Variants in TOM1L2 observed in about 807,000 individuals in gnomAD.
TOM1L2 encodes TOM1-like protein 2.
TOM1L2 carries 31 observed loss-of-function variants against 67.9 expected under a neutral mutation model. The observed-to-expected ratio is 0.46, with a 90% CI of 0.34 to 0.62. The LOEUF is 0.62. Among genes scored for constraint, TOM1L2 ranks in the 20% least tolerant of loss-of-function variants. The pLI is 0.01. For missense variants in TOM1L2, 606 were observed against 663.5 expected, an observed-to-expected ratio of 0.91 and a Z score of 0.95; for synonymous variants, 256 against 254.0, an observed-to-expected ratio of 1.01 and a Z score of -0.07.
chr17:17,941,823 T>C (rs2040745859), intron 1 of TOM1L2, among the ~76,000 whole-genome samples: 1 of 152,212 alleles, frequency 6.6e-6, no homozygotes, highest in Non-Finnish European at 1.5e-5. Context: ...TCATTTTGCC[T>C]TAAAGAGTTT....
intron 1 of TOM1L2, among the ~76,000 whole-genome samples, chr17:17,969,246 A>G (rs755028411): frequency 5.3e-5 from 8 of 152,032 alleles, no homozygotes; most frequent in Non-Finnish European, 1.0e-4. Flanking sequence ...TAGTAGAGAC[A>G]GGGTTTCACC....
chr17:17,941,583 C>A (rs1312844014), intron 1 of TOM1L2, among the ~76,000 whole-genome samples: 11 of 152,140 alleles, frequency 7.2e-5, no homozygotes, highest in African/African-American at 2.7e-4. Context: ...CAGTCTAAGT[C>A]TTCCCTGTGG....
chr17:17,892,278 G>A lies in TOM1L2; in HGVS notation c.366+1383C>T, dbSNP rs145212794. Among the ~76,000 whole-genome samples, 17 of 152,202 alleles carry A rather than the reference G, an allele frequency of 1.1e-4. No individual in the cohort carries two copies. The East Asian group carries it at 2.7e-3, about 24-fold the overall frequency. ...CCCATCTGAGAGCCCGGCCTGCCCCGGCACTCCACTTCCTGCATTCTCCGC... is the reference window on the plus strand; with the variant it reads ...CCCATCTGAGAGCCCGGCCTGCCCCAGCACTCCACTTCCTGCATTCTCCGC... On this transcript the variant is annotated intron_variant, in intron 4 of 14. Coordinates refer to ENST00000379504, the MANE Select transcript of TOM1L2 (RefSeq NM_001082968.2).
intron 1 of TOM1L2, among the ~76,000 whole-genome samples, chr17:17,920,217 CTT>C: frequency 7.4e-6 from 1 of 135,258 alleles, no homozygotes; most frequent in African/African-American, 2.7e-5. Flanking sequence ...TTCTCTCGTT[CTT>C]TTTTTTTTTA....
chr17:17,969,553 T>C (rs1168415200), intron 1 of TOM1L2, among the ~76,000 whole-genome samples: 4 of 152,196 alleles, frequency 2.6e-5, no homozygotes, highest in African/African-American at 9.7e-5. Context: ...ATTAATCATT[T>C]ACCTGAACTG....
At chr17:17,951,175 T>A (rs917884690) in intron 1 of TOM1L2, among the ~76,000 whole-genome samples, 1 of 152,042 alleles carries the variant, frequency 6.6e-6, no homozygotes, top group Non-Finnish European at 1.5e-5. Flanking sequence ...TAATACCCAC[T>A]CCCTTGCGGG....
intron 2 of TOM1L2, among the ~76,000 whole-genome samples, chr17:17,900,521 C>CAAAAA (rs546614872): frequency 1.7e-5 from 1 of 58,842 alleles, no homozygotes; most frequent in African/African-American, 4.8e-5. Context: ...GACTCCATCT[C>CAAAAA]AAAAAAAAAA....
chr17:17,940,285 A>C (rs972402711), intron 1 of TOM1L2, among the ~76,000 whole-genome samples: 1 of 151,888 alleles, frequency 6.6e-6, no homozygotes, highest in Non-Finnish European at 1.5e-5. Flanking sequence ...TCAAGCACTG[A>C]TAAGAGTGGC....
chr17:17,931,722 T>C (rs1183061901), intron 1 of TOM1L2, among the ~76,000 whole-genome samples: 4 of 152,240 alleles, frequency 2.6e-5, no homozygotes, highest in East Asian at 1.9e-4. Flanking sequence ...AGTAGCTTCA[T>C]GCCAGATCCA....
At chr17:17,934,029 GAA>G (rs1190840605) in intron 1 of TOM1L2, among the ~76,000 whole-genome samples, 5 of 151,210 alleles carry the variant, frequency 3.3e-5, no homozygotes, top group African/African-American at 4.9e-5. Flanking sequence ...ACTAGGTTAG[GAA>G]AAAAAAATCT....
chr17:17,949,809 G>A (rs1350806737), intron 1 of TOM1L2, among the ~76,000 whole-genome samples: 2 of 152,092 alleles, frequency 1.3e-5, no homozygotes, highest in Non-Finnish European at 2.9e-5. Context: ...AGGTGGGCCA[G>A]GGCAATGTTA....
chr17:17,971,370 C>G (rs2042072841), intron 1 of TOM1L2, among the ~76,000 whole-genome samples: 1 of 152,152 alleles, frequency 6.6e-6, no homozygotes, highest in East Asian at 1.9e-4. Context: ...TTCCATGATT[C>G]CCAGTCCAGG....
At chr17:17,875,599 G>C (rs2037384843) in intron 7 of TOM1L2, among the ~76,000 whole-genome samples, 1 of 152,256 alleles carries the variant, frequency 6.6e-6, no homozygotes, top group African/African-American at 2.4e-5. Flanking sequence ...ACAGAGGGAA[G>C]AACAGCTGGT....
chr17:17,958,415 C>A (rs556922582), intron 1 of TOM1L2, among the ~76,000 whole-genome samples: 9 of 152,166 alleles, frequency 5.9e-5, no homozygotes, highest in Non-Finnish European at 1.2e-4. Context: ...ACCATCAAAT[C>A]TAGAGCTAAA....
At chr17:17,906,512 T>C (rs758426615) in intron 2 of TOM1L2, among the ~76,000 whole-genome samples, 1 of 152,132 alleles carries the variant, frequency 6.6e-6, no homozygotes, top group Non-Finnish European at 1.5e-5. Flanking sequence ...CTTGTCCTCA[T>C]CTGACCAGGT....
chr17:17,972,242 T>C lies in TOM1L2; in HGVS notation c.52+20A>G, dbSNP rs1265874321. ...CAGCGGCCGCCGTTGCCCAGCCTCC[T>C]GCCCCACACGCGGCCTTACCGAGGC... On this transcript the variant is annotated intron_variant, in intron 1 of 14. Coordinates refer to ENST00000379504, the MANE Select transcript of TOM1L2 (RefSeq NM_001082968.2). 6.5e-7 allele frequency: 1 copy of C among 1,549,324 alleles called. No homozygotes were observed. Among genetic ancestry groups the C allele is most frequent in the Non-Finnish European group, 8.7e-7 (1 of 1,146,986 alleles).
intron 4 of TOM1L2, among the ~76,000 whole-genome samples, chr17:17,888,657 A>G (rs2038113194): frequency 6.6e-6 from 1 of 152,072 alleles, no homozygotes; most frequent in African/African-American, 2.4e-5. Context: ...TCCCCACCCC[A>G]ATCAGTTCAC....
chr17:17,925,794 G>T (rs1037291993), intron 1 of TOM1L2, among the ~76,000 whole-genome samples: 2 of 150,522 alleles, frequency 1.3e-5, no homozygotes, highest in Non-Finnish European at 3.0e-5. Flanking sequence ...GATGGAGGCT[G>T]CAGTAAGCTA....
In TOM1L2 at chr17:17,958,980, T is replaced by G. The variant is rs573224267; in HGVS notation, c.52+13282A>C. 2.0e-4 allele frequency among the ~76,000 whole-genome samples: 31 copies of G among 152,314 alleles called. 1 individual carries two copies. In the South Asian group the frequency reaches 5.6e-3, roughly 28 times the overall value. On this transcript the variant is annotated intron_variant, in intron 1 of 14. Transcript: ENST00000379504. ...CGATGGGGTTCAAAGAACTTCCAAG[T>G]TGAACACATAAAGGTGCTGGGAGGC...
Sources: gnomAD v4.1 joint callset for allele counts (sites outside exome capture counted in the v4.1 genomes callset) on GRCh38, gnomAD v4.1.1 for gene constraint, MANE v1.5 for transcripts, NCBI Gene and HGNC (gene_info 2026-07-23, HGNC 2026-07-21) for gene names.